RFX3: variants seen among roughly 807,000 people sequenced by gnomAD.
RFX3 encodes transcription factor RFX3.
In RFX3, 14 loss-of-function variants were observed where a neutral mutation model predicts 98.6. That is an observed-to-expected ratio of 0.14 (90% CI 0.09 to 0.22). The LOEUF is 0.22. Among genes scored for constraint, RFX3 ranks in the 10% least tolerant of loss-of-function variants. RFX3 has a pLI of 1.00. For missense variants in RFX3, 639 were observed against 926.9 expected (o/e 0.69, Z 4.03); for synonymous variants, 383 against 328.4 (o/e 1.17, Z -1.80).
intron 5 of RFX3, among the ~76,000 whole-genome samples, chr9:3,294,102 T>C (rs1368468391): frequency 6.6e-6 from 1 of 152,130 alleles, no homozygotes; most frequent in African/African-American, 2.4e-5. Flanking sequence ...TGAATCCAAG[T>C]CTATATTATT....
intron 1 of RFX3, among the ~76,000 whole-genome samples, chr9:3,482,648 C>G (rs971029191): frequency 6.6e-6 from 1 of 152,098 alleles, no homozygotes; most frequent in African/African-American, 2.4e-5. Flanking sequence ...ACATTTTATT[C>G]CTTTTTCAAA....
Position 3,493,682 on chromosome 9 carries a change from C to CA in RFX3, c.-9+32064dup, listed in dbSNP as rs71324250. On this transcript the variant is annotated intron_variant, in intron 1 of 16. Coordinates refer to ENST00000617270, the MANE Select transcript of RFX3 (RefSeq NM_001282116.2). ...CTGGGCGACAAAGCGAGACTCATCT[C>CA]AAAAAAAAAAAAAAAAAAATATATA... is the stretch of plus-strand genomic sequence containing the variant. Among the ~76,000 whole-genome samples the CA allele has an allele frequency of 1.1e-3, 84 of 79,536 alleles. 2 individuals carry two copies. The highest frequency in any genetic ancestry group is 1.8e-3 in the Non-Finnish European group (74 of 41,522). 52.2% of individuals were successfully genotyped at this position (79,536 alleles called of 152,430 possible). A position where few individuals can be genotyped will look rare whatever the true frequency, so the allele number is the denominator to read the frequency against.
At chr9:3,447,349 G>T (rs1056164686) in intron 1 of RFX3, among the ~76,000 whole-genome samples, 1 of 152,018 alleles carries the variant, frequency 6.6e-6, no homozygotes, top group African/African-American at 2.4e-5. Context: ...TCTGAAACAT[G>T]ATAGTAACAT....
At chr9:3,491,172 T>C (rs1564169902) in intron 1 of RFX3, among the ~76,000 whole-genome samples, 1 of 152,094 alleles carries the variant, frequency 6.6e-6, no homozygotes, top group African/African-American at 2.4e-5. Context: ...CACAGCTGAG[T>C]ATATATGAAT....
rs1836259199 is a variant in RFX3 at position 3,360,284 on chromosome 9, T to C, written c.118-13520A>G. On this transcript the variant is annotated intron_variant, in intron 2 of 16. Coordinates refer to ENST00000617270, the MANE Select transcript of RFX3 (RefSeq NM_001282116.2). The stretch of plus-strand genomic sequence containing the variant: ...CTACTTTAAAATTAAAAAAAAACAG[T>C]GAAATGGGCAAAATGTGAACTGAAA... 1.3e-5 allele frequency among the ~76,000 whole-genome samples: 2 copies of C among 150,594 alleles called. 1 individual carries two copies. Among genetic ancestry groups the C allele is most frequent in the Non-Finnish European group, 3.0e-5 (2 of 67,614 alleles).
chr9:3,353,053 T>C (rs955316352), intron 2 of RFX3, among the ~76,000 whole-genome samples: 3 of 152,008 alleles, frequency 2.0e-5, no homozygotes, highest in Non-Finnish European at 2.9e-5. Context: ...TGTAGGGACA[T>C]GGATGAAACT....
chr9:3,436,832 A>G (rs546927910), intron 1 of RFX3, among the ~76,000 whole-genome samples: 2 of 152,054 alleles, frequency 1.3e-5, no homozygotes, highest in Non-Finnish European at 2.9e-5. Context: ...AGGGAAGGAG[A>G]TGTGACAAGC....
chr9:3,463,283 T>C (rs1342637383), intron 1 of RFX3, among the ~76,000 whole-genome samples: 2 of 152,144 alleles, frequency 1.3e-5, no homozygotes, highest in Non-Finnish European at 2.9e-5. Context: ...AAAATTATTG[T>C]CTTTTTCAAC....
At chr9:3,451,752 T>C (rs1394518522) in intron 1 of RFX3, among the ~76,000 whole-genome samples, 1 of 152,070 alleles carries the variant, frequency 6.6e-6, no homozygotes, top group Non-Finnish European at 1.5e-5. Context: ...GGGTGTAGCA[T>C]ACATGGGAAC....
At chr9:3,430,352 G>T (rs956544159) in intron 1 of RFX3, among the ~76,000 whole-genome samples, 1 of 152,130 alleles carries the variant, frequency 6.6e-6, no homozygotes, top group African/African-American at 2.4e-5. Flanking sequence ...ATCCCAGTTA[G>T]TTCCAGCTCT....
At chr9:3,496,962 C>T (rs1302658868) in intron 1 of RFX3, among the ~76,000 whole-genome samples, 1 of 151,972 alleles carries the variant, frequency 6.6e-6, no homozygotes, top group Non-Finnish European at 1.5e-5. Flanking sequence ...CTACAACAAG[C>T]CTTCTATTAA....
Position 3,451,172 on chromosome 9 carries a change from T to G in RFX3, c.-8-55576A>C, listed in dbSNP as rs55670807. ...CTAAAAGAGCTCTCAATGGCCAAAG[T>G]TGGAACAATTTGAGCAATAAAACTG... On this transcript the variant is annotated intron_variant, in intron 1 of 16. Coordinates refer to ENST00000617270, the MANE Select transcript of RFX3 (RefSeq NM_001282116.2). 8.0e-3 allele frequency among the ~76,000 whole-genome samples: 1,222 copies of G among 152,160 alleles called. 11 individuals carry two copies. The highest frequency in any genetic ancestry group is 0.012 in the Non-Finnish European group (831 of 68,002).
intron 1 of RFX3, among the ~76,000 whole-genome samples, chr9:3,446,649 CCTTT>C (rs1332182253): frequency 2.0e-5 from 3 of 151,038 alleles, no homozygotes; most frequent in Admixed American, 2.0e-4. Context: ...ATTTCAGACT[CCTTT>C]CCTTCTCAAT....
At chr9:3,388,264 C>T (rs1433194240) in intron 2 of RFX3, among the ~76,000 whole-genome samples, 1 of 152,158 alleles carries the variant, frequency 6.6e-6, no homozygotes, top group Non-Finnish European at 1.5e-5. Flanking sequence ...TAAAGATTAA[C>T]AGATCATTTT....
At chr9:3,390,654 T>C (rs988990438) in intron 2 of RFX3, among the ~76,000 whole-genome samples, 12 of 152,174 alleles carry the variant, frequency 7.9e-5, no homozygotes, top group Non-Finnish European at 1.8e-4. Flanking sequence ...GGTCTCGTGA[T>C]AGTCAGTAAT....
At chr9:3,320,662 C>A (rs992147975) in intron 4 of RFX3, among the ~76,000 whole-genome samples, 4 of 123,212 alleles carry the variant, frequency 3.2e-5, no homozygotes, top group African/African-American at 1.5e-4. Flanking sequence ...TTTCGCTCAA[C>A]ATGGAGACTT....
intron 7 of RFX3, among the ~76,000 whole-genome samples, chr9:3,283,896 G>A (rs1391259946): frequency 1.3e-5 from 2 of 151,634 alleles, no homozygotes; most frequent in African/African-American, 2.4e-5. Context: ...CTTTGAGGGT[G>A]GAATTCTCAT....
chr9:3,360,162 A>T (rs1158967623), intron 2 of RFX3, among the ~76,000 whole-genome samples: 1 of 152,138 alleles, frequency 6.6e-6, no homozygotes, highest in African/African-American at 2.4e-5. Flanking sequence ...GAGATAATTA[A>T]ATAAACTCTC....
chr9:3,420,707 C>T, intron 1 of RFX3: 1 of 852,066 alleles, frequency 1.2e-6, no homozygotes. Flanking sequence ...ACAGCAAAGT[C>T]AGGAATTATT....
Sources: gnomAD v4.1 joint callset for allele counts (sites outside exome capture counted in the v4.1 genomes callset) on GRCh38, gnomAD v4.1.1 for gene constraint, MANE v1.5 for transcripts, NCBI Gene and HGNC (gene_info 2026-07-23, HGNC 2026-07-21) for gene names.